Variants in CTNNA1 observed in about 807,000 individuals in gnomAD.
CTNNA1 encodes catenin alpha-1.
A neutral mutation model predicts 98.4 loss-of-function variants in CTNNA1; 37 were observed. The observed-to-expected ratio is 0.38, with a 90% CI of 0.29 to 0.49. The LOEUF is 0.49. Ranked by LOEUF, CTNNA1 falls within the 20% of genes least tolerant of loss-of-function variation. CTNNA1 has a pLI of 0.95. For missense variants in CTNNA1, 761 were observed against 1,147.2 expected (o/e 0.66, Z 4.86); for synonymous variants, 404 against 413.2 (o/e 0.98, Z 0.27).
At chr5:138,823,279 T>C (rs934392825) in intron 5 of CTNNA1, among the ~76,000 whole-genome samples, 1 of 152,214 alleles carries the variant, frequency 6.6e-6, no homozygotes, top group Admixed American at 6.5e-5. Context: ...TCGCTTAGCA[T>C]ATCTACTCAG....
chr5:138,930,046 C>G (rs1474879152), intron 14 of CTNNA1, among the ~76,000 whole-genome samples: 3 of 152,186 alleles, frequency 2.0e-5, no homozygotes, highest in African/African-American at 7.2e-5. Flanking sequence ...TCTCAGCCCT[C>G]TTTCTTCAGG....
rs1008676698 is a variant in CTNNA1, at chr5:138,836,408, G to A, written c.1062+8690G>A. ...AAAAATTAATTTGTGATTTTCTTAC[G>A]GTTCAAGATAAGGAGTTTAAAAGAT... On this transcript the variant is annotated intron_variant, in intron 7 of 17. Coordinates refer to ENST00000302763, the MANE Select transcript of CTNNA1 (RefSeq NM_001903.5). Among the ~76,000 whole-genome samples, 20 of 152,174 alleles carry A rather than the reference G, an allele frequency of 1.3e-4. 1 individual carries two copies. The highest frequency in any genetic ancestry group is 2.1e-4 in the Non-Finnish European group (14 of 68,000).
intron 7 of CTNNA1, among the ~76,000 whole-genome samples, chr5:138,866,623 CA>C (rs1764810903): frequency 6.6e-6 from 1 of 152,120 alleles, no homozygotes; most frequent in Non-Finnish European, 1.5e-5. Context: ...AGGCATTGGG[CA>C]AGCCTTTGCT....
intron 7 of CTNNA1, among the ~76,000 whole-genome samples, chr5:138,833,985 A>C (rs1451643527): frequency 6.6e-6 from 1 of 152,330 alleles, no homozygotes; most frequent in Middle Eastern, 3.4e-3. Flanking sequence ...ATCAAGTATA[A>C]AATTTTAATT....
chr5:138,895,150 G>A (rs1359525778), intron 9 of CTNNA1, among the ~76,000 whole-genome samples: 1 of 152,118 alleles, frequency 6.6e-6, no homozygotes, highest in African/African-American at 2.4e-5. Flanking sequence ...TACTAGATGA[G>A]GGAACCTATT....
intron 9 of CTNNA1, among the ~76,000 whole-genome samples, chr5:138,899,297 C>T (rs1757538506): frequency 6.6e-6 from 1 of 152,044 alleles, no homozygotes; most frequent in South Asian, 2.1e-4. Context: ...GCTTACCTTC[C>T]ATGAGGTAAA....
At chr5:138,920,122 G>A (rs1487894148) in intron 11 of CTNNA1, among the ~76,000 whole-genome samples, 1 of 151,950 alleles carries the variant, frequency 6.6e-6, no homozygotes, top group African/African-American at 2.4e-5. Context: ...GGGATTACAG[G>A]TGCTTGCCAC....
chr5:138,853,272 C>T (rs2149853967), intron 7 of CTNNA1, among the ~76,000 whole-genome samples: 1 of 152,132 alleles, frequency 6.6e-6, no homozygotes, highest in South Asian at 2.1e-4. Flanking sequence ...GTTGCATTTC[C>T]CTTGACCACT....
chr5:138,858,874 C>T (rs1252496707), intron 7 of CTNNA1, among the ~76,000 whole-genome samples: 1 of 152,236 alleles, frequency 6.6e-6, no homozygotes, highest in African/African-American at 2.4e-5. Context: ...GCTGGGATTA[C>T]AGGCGTGAGC....
At chr5:138,827,021 C>T (rs1360751792) in intron 6 of CTNNA1, among the ~76,000 whole-genome samples, 2 of 152,222 alleles carry the variant, frequency 1.3e-5, no homozygotes, top group African/African-American at 2.4e-5. Context: ...CTCAAACAAT[C>T]CTCCTTCAAT....
chr5:138,783,115 T>G, intron 2 of CTNNA1, 62 bp from the exon 3 acceptor site: 1 of 1,306,892 alleles, frequency 7.7e-7, no homozygotes, highest in Non-Finnish European at 1.1e-6. Context: ...CTTGCTGTCT[T>G]TAAAGATATT....
rs143060269 is a variant in CTNNA1 at position 138,924,606 on chromosome 5, G to A, written c.1643G>A (p.Arg548Gln). Residue 548 changes from arginine (R) to glutamine (Q), a missense_variant, in exon 12 of 18, where the codon CGG (arginine) becomes CAG (glutamine). Around this residue, in one of 6 missense-constraint regions of CTNNA1, gnomAD observed 287 missense variants for 436.0 expected, o/e 0.66. Coordinates refer to ENST00000302763, the MANE Select transcript of CTNNA1 (RefSeq NM_001903.5). ...CGCACAGCTGGTGCAATTCGAGGCC[G>A]GGCAGCCCGGGTCATTCACGTAGTC... ...LDRTAGAIRG[R>Q]AARVIHVVTS... The A allele has an allele frequency of 3.1e-6, 5 of 1,613,988 alleles. No homozygotes were observed. Among genetic ancestry groups the A allele is most frequent in the Non-Finnish European group, 4.2e-6 (5 of 1,179,986 alleles).
chr5:138,888,602 C>T (rs1754631444), intron 9 of CTNNA1, among the ~76,000 whole-genome samples: 1 of 152,154 alleles, frequency 6.6e-6, no homozygotes, highest in Admixed American at 6.5e-5. Flanking sequence ...GGCTGAAGTG[C>T]AGTGGGACAA....
At chr5:138,857,434 C>CCAAG in intron 7 of CTNNA1, among the ~76,000 whole-genome samples, 1 of 152,196 alleles carries the variant, frequency 6.6e-6, no homozygotes, top group South Asian at 2.1e-4. Context: ...TCCTGCTGTT[C>CCAAG]CTTTTGTACC....
intron 9 of CTNNA1, chr5:138,887,853 T>TTA (rs920702598): frequency 2.5e-6 from 1 of 399,758 alleles, no homozygotes; most frequent in Non-Finnish European, 4.4e-6. Context: ...ATACTAACAG[T>TTA]TCCTATCCTA....
intron 16 of CTNNA1, chr5:138,931,968 C>CT (rs1359676673): frequency 3.0e-6 from 3 of 985,470 alleles, no homozygotes; most frequent in Non-Finnish European, 3.6e-6. Flanking sequence ...CTCTAAAACT[C>CT]TGAGATGTGG....
At chr5:138,784,040 T>G (rs867590206) in intron 3 of CTNNA1, among the ~76,000 whole-genome samples, 3 of 152,242 alleles carry the variant, frequency 2.0e-5, no homozygotes, top group Non-Finnish European at 4.4e-5. Context: ...AGGAAGACTT[T>G]AAATACGGAA....
chr5:138,906,477 A>G (rs1264906099), intron 10 of CTNNA1, among the ~76,000 whole-genome samples: 3 of 152,204 alleles, frequency 2.0e-5, no homozygotes, highest in Non-Finnish European at 2.9e-5. Flanking sequence ...GCTTTCACAA[A>G]TCTGTGGAAA....
At position 138,886,250 on chromosome 5, in the gene CTNNA1, A is replaced by G. The variant is rs2150024228; in HGVS notation, c.1101A>G (p.Ala367=). 1.9e-6 allele frequency: 3 copies of G among 1,611,206 alleles called. No individual in the cohort carries two copies. The highest frequency in any genetic ancestry group is 1.7e-6 in the Non-Finnish European group (2 of 1,178,706). ...AAAGAAGTGATGCACTCAATTCTGC[A>G]ATAGATAAAATGACCAAGAAGACCA... ...RKERSDALNS[A]IDKMTKKTRD... The change falls in exon 8 of 18, where the codon GCA becomes GCG. Residue 367 remains alanine (A), a synonymous_variant. Transcript: ENST00000302763.
Sources: gnomAD v4.1 joint callset for allele counts (sites outside exome capture counted in the v4.1 genomes callset) on GRCh38, gnomAD v4.1.1 for gene constraint, gnomAD v4.1.1 regional missense constraint, MANE v1.5 for transcripts, NCBI Gene and HGNC (gene_info 2026-07-23, HGNC 2026-07-21) for gene names.